The following WDR62 variants were observed in gnomAD, a reference collection of about 807,000 sequenced individuals.
The protein encoded by WDR62 is WD repeat domain 62.
Under a neutral mutation model 160.6 loss-of-function variants are expected in WDR62, and 112 were observed. The observed-to-expected ratio is 0.70, with a 90% CI of 0.60 to 0.82. The LOEUF is 0.82. Ranked by LOEUF, WDR62 falls within the 40% of genes least tolerant of loss-of-function variation. The probability of loss-of-function intolerance (pLI) is 0.00; values close to 1 mark genes in which losing one functional copy is unlikely to be tolerated. For synonymous variants in WDR62, 792 were observed against 815.1 expected (o/e 0.97, Z 0.48); for missense variants, 1,819 against 1,983.8 (o/e 0.92, Z 1.58).
chr19:36,056,967 A>G (rs1370787155), intron 1 of WDR62, among the ~76,000 whole-genome samples: 1 of 151,934 alleles, frequency 6.6e-6, no homozygotes, highest in East Asian at 1.9e-4. Flanking sequence ...GCATGCCACC[A>G]TACCTGACTA....
chr19:36,086,934 A>G, intron 13 of WDR62, 122 bp downstream of exon 13: 2 of 1,384,000 alleles, frequency 1.4e-6, no homozygotes, highest in Non-Finnish European at 2.0e-6. Flanking sequence ...TGTGTACAGT[A>G]TACAGAATAA....
chr19:36,085,603 C>T (rs551309687), intron 12 of WDR62, among the ~76,000 whole-genome samples: 77 of 150,748 alleles, frequency 5.1e-4, no homozygotes, highest in African/African-American at 1.9e-3. Flanking sequence ...CCACCACACC[C>T]GGCTAATTTT....
intron 26 of WDR62, chr19:36,102,418 G>A (rs796176783): frequency 6.6e-5 from 39 of 588,482 alleles, no homozygotes; most frequent in East Asian, 3.8e-4. Flanking sequence ...CCACAACCAC[G>A]CCCTGCTAAT....
intron 20 of WDR62, among the ~76,000 whole-genome samples, chr19:36,095,014 G>T (rs1260872461): frequency 6.6e-6 from 1 of 152,026 alleles, no homozygotes; most frequent in Non-Finnish European, 1.5e-5. Flanking sequence ...CTGAATAATA[G>T]AGTGAGATCC....
intron 1 of WDR62, among the ~76,000 whole-genome samples, chr19:36,055,661 A>G (rs1169562808): frequency 1.3e-5 from 2 of 152,026 alleles, no homozygotes; most frequent in East Asian, 3.8e-4. Flanking sequence ...ACTCAAAACT[A>G]TGAGAAAGAC....
rs147077663 is a variant in WDR62, at chr19:36,054,981, G to C, written c.10G>C (p.Val4Leu). 181 of 1,601,904 alleles carry C rather than the reference G, an allele frequency of 1.1e-4. No individual in the cohort carries two copies. Among genetic ancestry groups the C allele is most frequent in the Middle Eastern group, 9.9e-4 (6 of 6,054 alleles). MAA[V>L]GSGGYARNDA... ...CGCCTCCGGCGTGACGATGGCGGCC[G>C]TAGGGTCCGGAGGCTATGCGCGGAA... The change falls in exon 1 of 32, where the codon GTA (valine) becomes CTA (leucine). Residue 4 changes from valine to leucine, a missense_variant. By Grantham distance (32) the Val-to-Leu change is conservative. Transcript: ENST00000401500.
At chr19:36,075,042 T>G (rs973591226) in intron 9 of WDR62, 2 of 151,110 alleles carry the variant, frequency 1.3e-5, no homozygotes, top group Non-Finnish European at 3.0e-5. Context: ...TTCTCTCTCT[T>G]TTTTTTTTTC....
chr19:36,102,214 G>A (rs981976797), intron 26 of WDR62, 63 bp downstream of exon 26: 21 of 1,611,940 alleles, frequency 1.3e-5, no homozygotes, highest in Admixed American at 6.7e-5. Flanking sequence ...CAGCATTGGC[G>A]TCCCTGGAGT....
chr19:36,073,931 C>T (rs1342015615), intron 9 of WDR62: 23 of 357,704 alleles, frequency 6.4e-5, no homozygotes, highest in South Asian at 4.0e-4. Context: ...GCACAGAGGC[C>T]CTGCGGCAGG....
rs748238751 is a variant in WDR62 at position 36,055,049 on chromosome 19, G to A, written c.78G>A (p.Pro26=). ...EKLPSVMAGV[P]ARRGQSSPPP... ...TGCCCTCTGTCATGGCGGGAGTTCC[G>A]GCGCGGAGGGGCCAGTCCTCCCCGC... The change falls in exon 1 of 32, where the codon CCG becomes CCA. Residue 26 remains proline (P), a synonymous_variant. Transcript: ENST00000401500. The A allele has an allele frequency of 6.3e-7, 1 of 1,586,438 alleles. No individual in the cohort carries two copies. Among genetic ancestry groups the A allele is most frequent in the South Asian group, 1.1e-5 (1 of 88,634 alleles).
chr19:36,096,688 G>A (rs1301744698), intron 20 of WDR62, among the ~76,000 whole-genome samples: 3 of 150,298 alleles, frequency 2.0e-5, no homozygotes, highest in African/African-American at 7.4e-5. Context: ...TCCAGCCTGG[G>A]CAACAGAGCG....
rs1971035704 is a variant in WDR62 at position 36,068,001 on chromosome 19, C to A, written c.873C>A (p.Ile291=). 6.2e-7 allele frequency: 1 copy of A among 1,613,596 alleles called. No individual in the cohort carries two copies. The highest frequency in any genetic ancestry group is 1.3e-5 in the African/African-American group (1 of 74,924). Residue 291 remains isoleucine (I), a synonymous_variant, in exon 7 of 32, where the codon ATC becomes ATA. Transcript: ENST00000401500. ...FNEKRVLEKW[I]NLKVSLSSCL... ...AGAAGAGGGTGCTGGAGAAGTGGAT[C>A]AACCTGAAGGTACCACCTCCCTCTC... is the stretch of plus-strand genomic sequence containing the variant.
chr19:36,105,166 A>C, downstream of WDR62: 2 of 1,153,990 alleles, frequency 1.7e-6, no homozygotes, highest in Non-Finnish European at 2.4e-6. Context: ...GGAAGTGGGG[A>C]GGGAGGGTAG....
chr19:36,089,275 G>A lies in WDR62; in HGVS notation c.1927G>A (p.Val643Met), dbSNP rs759534168. Residue 643 changes from valine (V) to methionine (M), a missense_variant, in exon 15 of 32, where the codon GTG (valine) becomes ATG (methionine). Val to Met is a conservative substitution (Grantham distance 21). Coordinates refer to ENST00000401500, the MANE Select transcript of WDR62 (RefSeq NM_001083961.2). ...DMDIDITQKYVAVACQDRNVR... is the reference protein window; with the variant it reads ...DMDIDITQKYMAVACQDRNVR... ...GGACATTGACATCACCCAGAAGTAC[G>A]TGGCCGTGGCCTGCCAGGACCGCAA... 31 of 1,614,072 alleles carry A rather than the reference G, an allele frequency of 1.9e-5. No individual in the cohort carries two copies. Among genetic ancestry groups the A allele is most frequent in the Admixed American group, 8.3e-5 (5 of 60,004 alleles).
At chr19:36,083,007 AT>A (rs1971990533) in intron 10 of WDR62, 55 bp from the exon 11 acceptor site, 35 of 1,537,836 alleles carry the variant, frequency 2.3e-5, no homozygotes, top group Non-Finnish European at 3.0e-5. Context: ...GAGGGACACG[AT>A]TTCAGAGGTG....
intron 9 of WDR62, among the ~76,000 whole-genome samples, chr19:36,079,355 A>C (rs1017522156): frequency 2.0e-5 from 3 of 152,234 alleles, no homozygotes; most frequent in Admixed American, 6.5e-5. Flanking sequence ...CTGGGATTGC[A>C]GGCTTCTGTT....
chr19:36,102,749 C>A lies in WDR62; in HGVS notation c.3233C>A (p.Ala1078Glu). The change falls in exon 27 of 32, where the codon GCA becomes GAA. Residue 1078 changes from alanine (A) to glutamate (E), a missense_variant. This residue lies in a region of WDR62 where 770 missense variants were observed against 734.2 expected (regional missense o/e 1.05). Transcript: ENST00000401500. ...TESPCRELFP[A>E]ALGDVEASEA... is the part of the protein sequence containing the mutation. ...GATCTTCCCCTAGAGCTCTTCCCCG[C>A]AGCTCTGGGAGACGTGGAGGCCTCT... 2 of 1,614,106 alleles carry A rather than the reference C, an allele frequency of 1.2e-6. No homozygotes were observed. The highest frequency in any genetic ancestry group is 2.2e-5 in the South Asian group (2 of 91,086).
chr19:36,059,151 T>C (rs752522410), intron 2 of WDR62: 4 of 577,748 alleles, frequency 6.9e-6, no homozygotes, highest in Non-Finnish European at 1.3e-5. Flanking sequence ...CGCTGTGGTG[T>C]CAGGTAACCT....
At chr19:36,069,210 C>T (rs1219198077) in intron 7 of WDR62, among the ~76,000 whole-genome samples, 5 of 151,540 alleles carry the variant, frequency 3.3e-5, no homozygotes, top group Non-Finnish European at 5.9e-5. Flanking sequence ...GGCTGCTGGG[C>T]GGAGACGCTC....
Sources: allele counts gnomAD v4.1 joint callset (sites outside exome capture counted in the v4.1 genomes callset), GRCh38; gene constraint gnomAD v4.1.1; regional missense constraint gnomAD v4.1.1; transcripts MANE v1.5; gene names NCBI Gene and HGNC (gene_info 2026-07-23, HGNC 2026-07-21).